Variants in FBXL17 observed in about 807,000 individuals in gnomAD.
FBXL17 encodes F-box and leucine rich repeat protein 17.
Under a neutral mutation model 66.2 loss-of-function variants are expected in FBXL17, and 22 were observed. The observed-to-expected ratio is 0.33, with a 90% confidence interval of 0.24 to 0.47. FBXL17 has a LOEUF of 0.47. Among genes scored for constraint, FBXL17 ranks in the 20% least tolerant of loss-of-function variants. FBXL17 has a pLI of 1.00. For synonymous variants in FBXL17, 474 were observed against 400.5 expected (o/e 1.18, Z -2.19); for missense variants, 878 against 948.2 (o/e 0.93, Z 0.97).
At chr5:108,163,197 T>C (rs1025497338) in intron 6 of FBXL17, among the ~76,000 whole-genome samples, 2 of 152,114 alleles carry the variant, frequency 1.3e-5, no homozygotes, top group African/African-American at 4.8e-5. Flanking sequence ...AAAAGTTTCA[T>C]TTTTGCCAGG....
At chr5:108,284,716 TA>T (rs1274387374) in intron 4 of FBXL17, among the ~76,000 whole-genome samples, 1 of 151,842 alleles carries the variant, frequency 6.6e-6, no homozygotes, top group Non-Finnish European at 1.5e-5. Context: ...GTTTTAGTCC[TA>T]AAAAATGCAA....
At chr5:107,891,582 A>G (rs186655902) in intron 7 of FBXL17, among the ~76,000 whole-genome samples, 2 of 152,296 alleles carry the variant, frequency 1.3e-5, no homozygotes, top group East Asian at 3.9e-4. Flanking sequence ...TTTTAAAGAT[A>G]GGACCAACAG....
intron 4 of FBXL17, chr5:108,298,141 T>C (rs1467286022): frequency 1.0e-6 from 1 of 972,692 alleles, no homozygotes; most frequent in Non-Finnish European, 1.2e-6. Flanking sequence ...TTGTTTTTCT[T>C]TTTAGGGAGC....
chr5:108,226,626 T>C (rs1755112536), intron 4 of FBXL17, among the ~76,000 whole-genome samples: 1 of 152,226 alleles, frequency 6.6e-6, no homozygotes, highest in Non-Finnish European at 1.5e-5. Context: ...AACATTATTC[T>C]GGGTATTCCT....
chr5:108,081,216 A>T (rs1295150507), intron 6 of FBXL17, among the ~76,000 whole-genome samples: 1 of 151,998 alleles, frequency 6.6e-6, no homozygotes, highest in Non-Finnish European at 1.5e-5. Flanking sequence ...TTCCAAAAGG[A>T]GGAGAGTATA....
chr5:108,043,873 T>C (rs1747143849), intron 6 of FBXL17, among the ~76,000 whole-genome samples: 2 of 152,168 alleles, frequency 1.3e-5, no homozygotes, highest in Non-Finnish European at 2.9e-5. Context: ...TTTAGCTCTT[T>C]GATTTTCAAG....
At chr5:108,339,620 G>A (rs771544758) in intron 4 of FBXL17, among the ~76,000 whole-genome samples, 6 of 149,644 alleles carry the variant, frequency 4.0e-5, no homozygotes, top group Non-Finnish European at 8.9e-5. Flanking sequence ...ATGTATGTGG[G>A]GAAAAAAGCA....
intron 7 of FBXL17, among the ~76,000 whole-genome samples, chr5:107,890,298 A>G (rs1749154036): frequency 6.6e-6 from 1 of 151,850 alleles, no homozygotes; most frequent in Non-Finnish European, 1.5e-5. Flanking sequence ...CCAACTCCCT[A>G]AACTGAGTTT....
intron 4 of FBXL17, among the ~76,000 whole-genome samples, chr5:108,334,782 A>G (rs1264397297): frequency 6.6e-6 from 1 of 152,226 alleles, no homozygotes; most frequent in Admixed American, 6.5e-5. Context: ...TCAACTATAA[A>G]GCTTTAAGGA....
At chr5:108,363,614 A>G (rs1444480104) in intron 3 of FBXL17, among the ~76,000 whole-genome samples, 1 of 151,986 alleles carries the variant, frequency 6.6e-6, no homozygotes, top group Non-Finnish European at 1.5e-5. Context: ...AGATAAATTC[A>G]TAATACTTGA....
intron 4 of FBXL17, chr5:108,298,222 C>A: frequency 1.0e-6 from 1 of 982,880 alleles, no homozygotes; most frequent in Non-Finnish European, 1.2e-6. Context: ...CCAACAATAA[C>A]TTTTTGTCTA....
intron 4 of FBXL17, among the ~76,000 whole-genome samples, chr5:108,243,563 C>T (rs1003490380): frequency 9.2e-5 from 14 of 152,086 alleles, no homozygotes; most frequent in East Asian, 1.9e-4. Flanking sequence ...CAAGATTATA[C>T]GTGAGCCTAG....
At chr5:108,007,818 C>T (rs1245762479) in intron 7 of FBXL17, among the ~76,000 whole-genome samples, 1 of 152,068 alleles carries the variant, frequency 6.6e-6, no homozygotes, top group Non-Finnish European at 1.5e-5. Flanking sequence ...TGTACCTTTC[C>T]ACATAATGTA....
intron 7 of FBXL17, among the ~76,000 whole-genome samples, chr5:107,950,592 C>A (rs80327517): frequency 0.027 from 4,074 of 152,254 alleles, 170 homozygotes; most frequent in African/African-American, 0.093. Flanking sequence ...GTACAGTACT[C>A]CACTCAGATG....
intron 4 of FBXL17, among the ~76,000 whole-genome samples, chr5:108,285,833 T>TA (rs796424840): frequency 1.5e-3 from 216 of 142,872 alleles, no homozygotes; most frequent in East Asian, 2.6e-3. Flanking sequence ...CTCAACAAAA[T>TA]AAAAAAAAAA....
intron 7 of FBXL17, among the ~76,000 whole-genome samples, chr5:108,005,303 G>A (rs780333815): frequency 1.3e-5 from 2 of 152,106 alleles, no homozygotes; most frequent in African/African-American, 4.8e-5. Flanking sequence ...GGACTGGCTG[G>A]TCCAGAGGCT....
intron 7 of FBXL17, among the ~76,000 whole-genome samples, chr5:107,899,564 G>T (rs1749497946): frequency 6.6e-6 from 1 of 152,144 alleles, no homozygotes; most frequent in South Asian, 2.1e-4. Context: ...CTGAGCCCAG[G>T]AGTTCAAGGC....
chr5:108,272,148 G>A (rs1425440911), intron 4 of FBXL17, among the ~76,000 whole-genome samples: 2 of 151,898 alleles, frequency 1.3e-5, no homozygotes, highest in African/African-American at 2.4e-5. Context: ...CAAATTAGCC[G>A]CGTGTTGTGG....
At chr5:108,369,921 A>G (rs754934183) in intron 1 of FBXL17, among the ~76,000 whole-genome samples, 3 of 152,220 alleles carry the variant, frequency 2.0e-5, no homozygotes, top group Non-Finnish European at 4.4e-5. Flanking sequence ...AAAACAAGTA[A>G]GATAATTATT....
Sources: allele counts gnomAD v4.1 joint callset (sites outside exome capture counted in the v4.1 genomes callset), GRCh38; gene constraint gnomAD v4.1.1; transcripts MANE v1.5; gene names NCBI Gene and HGNC (gene_info 2026-07-23, HGNC 2026-07-21).